LAMP2: variants seen among roughly 807,000 people sequenced by gnomAD.
LAMP2 encodes lysosome-associated membrane glycoprotein 2.
LAMP2 carries 4 observed loss-of-function variants against 25.6 expected under a neutral mutation model. The observed-to-expected ratio is 0.16, with a 90% confidence interval of 0.08 to 0.36. The LOEUF is 0.36. LAMP2 is among the 10% of genes least tolerant of loss of function. The pLI is 1.00. For synonymous variants in LAMP2, 108 were observed against 112.7 expected (o/e 0.96, Z 0.27); for missense variants, 272 against 301.4 (o/e 0.90, Z 0.72).
Position 120,442,614 on chromosome X carries a change from A to C in LAMP2, c.913T>G (p.Leu305Val). ...YLKEVNISMY[L>V]VNGSVFSIAN... ...CTTTGCTTACCGGAGCCATTAACCA[A>C]ATACATGCTGATGTTCACTTCCTTC... Residue 305 changes from leucine to valine, a missense_variant, in exon 7 of 9, where the codon TTG becomes GTG. Coordinates refer to ENST00000200639, the MANE Select transcript of LAMP2 (RefSeq NM_002294.3). 3 of 1,209,559 alleles carry C rather than the reference A, an allele frequency of 2.5e-6. No individual in the cohort carries two copies. Among genetic ancestry groups the C allele is most frequent in the Non-Finnish European group, 3.4e-6 (3 of 893,490 alleles).
In LAMP2 at chrX:120,433,939, T is replaced by C. The variant is rs1192145689; in HGVS notation, c.1094-2477A>G. ...AGGAACAAAATGCAACCCTGGAGTT[T>C]ATAAACTTTTCTGACATTGACTTGG... On this transcript the variant is annotated intron_variant, in intron 8 of 8. Transcript: ENST00000200639. 5.4e-5 allele frequency among the ~76,000 whole-genome samples: 6 copies of C among 111,970 alleles called. No individual in the cohort carries two copies. In the Admixed American group the frequency reaches 5.7e-4, roughly 11 times the overall value.
At chrX:120,452,713 C>CTT (rs768340777) in intron 3 of LAMP2, among the ~76,000 whole-genome samples, 88 of 67,646 alleles carry the variant, frequency 1.3e-3, no homozygotes, top group African/African-American at 2.1e-3. Context: ...CCACACCTGG[C>CTT]TTTTTTTTTT....
rs2058511339 is a variant in LAMP2, at chrX:120,429,100, G to A, written c.*2223C>T. 1.9e-6 allele frequency: 1 copy of A among 518,064 alleles called. No homozygotes were observed. The highest frequency in any genetic ancestry group is 2.3e-6 in the Non-Finnish European group (1 of 426,136). The allele number at this position is 518,064 out of a possible 1,213,427, so 42.7% of individuals were successfully genotyped here. A position where few individuals can be genotyped will look rare whatever the true frequency, so the allele number is the denominator to read the frequency against. On this transcript the variant is annotated 3_prime_UTR_variant, in exon 9 of 9. Coordinates refer to ENST00000200639, the MANE Select transcript of LAMP2 (RefSeq NM_002294.3). ...CATATATATGTGTGTGTATATATAT[G>A]TGTATATATATGTATATGTGTATAT...
chrX:120,442,282 C>T (rs1430969645), intron 7 of LAMP2, among the ~76,000 whole-genome samples: 1 of 106,682 alleles, frequency 9.4e-6, no homozygotes, highest in Admixed American at 1.0e-4. Context: ...TCAGTGAAGG[C>T]CTGGGGGACA....
intron 8 of LAMP2, chrX:120,439,052 G>T: frequency 1.7e-6 from 2 of 1,185,441 alleles, no homozygotes; most frequent in South Asian, 1.8e-5. Context: ...CCATTCTAAA[G>T]AGCTGGACTG....
At chrX:120,461,920 GA>G (rs1369160889) in intron 1 of LAMP2, among the ~76,000 whole-genome samples, 2 of 111,722 alleles carry the variant, frequency 1.8e-5, no homozygotes, top group Non-Finnish European at 3.8e-5. Flanking sequence ...TTTTGACATG[GA>G]TGTCAAGCTA....
intron 1 of LAMP2, among the ~76,000 whole-genome samples, chrX:120,458,885 C>T (rs752714704): frequency 9.0e-6 from 1 of 111,605 alleles, no homozygotes; most frequent in South Asian, 3.7e-4. Context: ...TAAATTATGA[C>T]AGAAAATGCC....
intron 3 of LAMP2, among the ~76,000 whole-genome samples, chrX:120,454,173 G>T (rs142982910): frequency 0.015 from 1,593 of 107,069 alleles, 37 homozygotes; most frequent in African/African-American, 0.052. Flanking sequence ...GTATATCAAC[G>T]TTGTCTACAC....
At chrX:120,469,330 T>A, upstream of LAMP2, 1 of 499,577 alleles carries the variant, frequency 2.0e-6, no homozygotes, top group Non-Finnish European at 3.4e-6. Flanking sequence ...GTCATAAGAC[T>A]AGGGGCGGGG....
At position 120,431,216 on chromosome X, in the gene LAMP2, A is replaced by G. The variant is rs2058521459; in HGVS notation, c.*107T>C. On this transcript the variant is annotated 3_prime_UTR_variant, in exon 9 of 9. Coordinates refer to ENST00000200639, the MANE Select transcript of LAMP2 (RefSeq NM_002294.3). Reference sequence around the variant, plus strand: ...AAATGCTGGGATTGATAAAAGAATTAAAGTTTCAACATATCAATTTTAAGA... The same window carrying G: ...AAATGCTGGGATTGATAAAAGAATTGAAGTTTCAACATATCAATTTTAAGA... The G allele has an allele frequency of 8.4e-7, 1 of 1,189,846 alleles. No homozygotes were observed. Among genetic ancestry groups the G allele is most frequent in the Admixed American group, 2.3e-5 (1 of 44,416 alleles).
chrX:120,461,397 G>A (rs1569372603), intron 1 of LAMP2, among the ~76,000 whole-genome samples: 1 of 111,740 alleles, frequency 8.9e-6, no homozygotes, highest in Non-Finnish European at 1.9e-5. Context: ...ACTGTCATAA[G>A]CTCCAACACA....
chrX:120,442,514 G>C, intron 7 of LAMP2, 85 bp downstream of exon 7: 1 of 751,440 alleles, frequency 1.3e-6, no homozygotes, highest in Non-Finnish European at 2.1e-6. Flanking sequence ...ATTAAATAAG[G>C]CACTATTTGG....
rs1449808254 is a variant in LAMP2 at position 120,427,346 on chromosome X, G to A, written c.*3977C>T. ...TTCCAAATAAAAGGGCAATTCAACA[G>A]CTGAACCAATCAAGCAGACACAGGG... On this transcript the variant is annotated 3_prime_UTR_variant, in exon 9 of 9. Coordinates refer to ENST00000200639, the MANE Select transcript of LAMP2 (RefSeq NM_002294.3). 9.0e-6 allele frequency among the ~76,000 whole-genome samples: 1 copy of A among 111,319 alleles called. No individual in the cohort carries two copies. Among genetic ancestry groups the A allele is most frequent in the Non-Finnish European group, 1.9e-5 (1 of 53,089 alleles).
chrX:120,458,506 G>A (rs935968173), intron 1 of LAMP2, among the ~76,000 whole-genome samples: 3 of 111,422 alleles, frequency 2.7e-5, no homozygotes, highest in Admixed American at 1.9e-4. Flanking sequence ...GTAAACAAGA[G>A]CTGAGAAACA....
chrX:120,447,107 C>T (rs779680836), intron 5 of LAMP2, among the ~76,000 whole-genome samples: 80 of 112,332 alleles, frequency 7.1e-4, no homozygotes, highest in African/African-American at 2.5e-3. Flanking sequence ...ATGAAATCTC[C>T]ATTTAAAACT....
In LAMP2 at chrX:120,428,438, C is replaced by T. The variant is rs759490403; in HGVS notation, c.*2885G>A. The T allele has an allele frequency of 2.6e-6, 3 of 1,139,130 alleles. No individual in the cohort carries two copies. In the Admixed American group the frequency reaches 9.1e-5, roughly 35 times the overall value. The allele number at this position is 1,139,130 out of a possible 1,213,427, so 93.9% of individuals were successfully genotyped here. On this transcript the variant is annotated 3_prime_UTR_variant, in exon 9 of 9. Coordinates refer to ENST00000200639, the MANE Select transcript of LAMP2 (RefSeq NM_002294.3). ...TGTCCTGGCTTTTAGCCAATGGAAA[C>T]GTAACTTCTAATTGAAAAAAACAAA...
At chrX:120,437,898 C>G (rs1391797449) in intron 8 of LAMP2, 27 of 589,843 alleles carry the variant, frequency 4.6e-5, no homozygotes, top group Non-Finnish European at 5.3e-5. Context: ...TTTTGTCGCC[C>G]AGGCTGGAGT....
At chrX:120,466,577 C>T (rs1921540076) in intron 1 of LAMP2, among the ~76,000 whole-genome samples, 1 of 111,749 alleles carries the variant, frequency 8.9e-6, no homozygotes, top group Non-Finnish European at 1.9e-5. Context: ...GTTTCCTGCG[C>T]GCTGTGAACA....
At chrX:120,452,703 C>G (rs971752180) in intron 3 of LAMP2, among the ~76,000 whole-genome samples, 2 of 101,378 alleles carry the variant, frequency 2.0e-5, no homozygotes, top group African/African-American at 7.4e-5. Flanking sequence ...GCACACGCCA[C>G]CACACCTGGC....
Sources: gnomAD v4.1 joint callset for allele counts (sites outside exome capture counted in the v4.1 genomes callset) on GRCh38, gnomAD v4.1.1 for gene constraint, MANE v1.5 for transcripts, NCBI Gene and HGNC (gene_info 2026-07-23, HGNC 2026-07-21) for gene names.